CPQ: variants seen among roughly 807,000 people sequenced by gnomAD.
CPQ encodes the protein Ser-Met dipeptidase.
A neutral mutation model predicts 45.7 loss-of-function variants in CPQ; 37 were observed. The observed-to-expected ratio is 0.81, with a 90% CI of 0.62 to 1.07. The LOEUF is 1.07. Ranked by LOEUF, CPQ falls within the 50% of genes least tolerant of loss-of-function variation. The pLI, the probability that CPQ is intolerant of heterozygous loss-of-function variation, is 0.00. For missense variants in CPQ, 537 were observed against 572.9 expected, an observed-to-expected ratio of 0.94 and a Z score of 0.64; for synonymous variants, 186 against 205.8, an observed-to-expected ratio of 0.90 and a Z score of 0.82.
chr8:97,098,376 C>A (rs1018465870), intron 7 of CPQ, among the ~76,000 whole-genome samples: 4 of 152,144 alleles, frequency 2.6e-5, no homozygotes, highest in African/African-American at 9.7e-5. Flanking sequence ...CTCCAAAGGG[C>A]TTTCTCCAGT....
At position 96,833,436 on chromosome 8, in the gene CPQ, C is replaced by T. The variant is rs142463060; in HGVS notation, c.434-1537C>T. On this transcript the variant is annotated intron_variant, in intron 2 of 7. Transcript: ENST00000220763. ...GGCTTCATTTCTAGTGGCTCCAATCCGGATGCCAAAATTGCCCTATTGTTG... is the reference window on the plus strand; with the variant it reads ...GGCTTCATTTCTAGTGGCTCCAATCTGGATGCCAAAATTGCCCTATTGTTG... Among the ~76,000 whole-genome samples the T allele has an allele frequency of 2.1e-3, 320 of 152,230 alleles. 2 individuals carry two copies. Among genetic ancestry groups the T allele is most frequent in the African/African-American group, 7.4e-3 (309 of 41,550 alleles).
intron 4 of CPQ, among the ~76,000 whole-genome samples, chr8:96,954,666 T>C (rs1813324240): frequency 1.3e-5 from 2 of 152,156 alleles, no homozygotes; most frequent in Non-Finnish European, 2.9e-5. Flanking sequence ...CACATATGTA[T>C]ACCTGTGCCA....
chr8:96,746,259 T>C (rs1169634438), intron 1 of CPQ, among the ~76,000 whole-genome samples: 11 of 152,196 alleles, frequency 7.2e-5, no homozygotes, highest in African/African-American at 2.4e-4. Flanking sequence ...GCTGAGAGAC[T>C]CCATTTAATA....
chr8:96,860,051 CT>C (rs1328398774), intron 3 of CPQ, among the ~76,000 whole-genome samples: 1 of 152,104 alleles, frequency 6.6e-6, no homozygotes, highest in Non-Finnish European at 1.5e-5. Flanking sequence ...TAGGTTGGCC[CT>C]AGTACCAAAC....
At chr8:96,846,547 C>T (rs1393863860) in intron 3 of CPQ, among the ~76,000 whole-genome samples, 1 of 152,106 alleles carries the variant, frequency 6.6e-6, no homozygotes, top group Non-Finnish European at 1.5e-5. Context: ...CATCTACATT[C>T]ATTACTCAAT....
At chr8:96,887,466 C>T (rs1364152037) in intron 4 of CPQ, among the ~76,000 whole-genome samples, 1 of 152,148 alleles carries the variant, frequency 6.6e-6, no homozygotes, top group Non-Finnish European at 1.5e-5. Context: ...CTTTAGCCCC[C>T]TTAGTCTTTT....
chr8:96,712,275 G>A (rs888230964), intron 1 of CPQ, among the ~76,000 whole-genome samples: 5 of 152,150 alleles, frequency 3.3e-5, no homozygotes, highest in African/African-American at 4.8e-5. Context: ...TTTTCTAGGC[G>A]CATGGTGTAA....
At chr8:96,697,514 A>G (rs1313235969) in intron 1 of CPQ, among the ~76,000 whole-genome samples, 1 of 152,160 alleles carries the variant, frequency 6.6e-6, no homozygotes, top group East Asian at 1.9e-4. Flanking sequence ...AGCAAGAGCA[A>G]TTAGACAAGA....
intron 2 of CPQ, among the ~76,000 whole-genome samples, chr8:96,811,606 G>A (rs1811162365): frequency 6.6e-6 from 1 of 152,058 alleles, no homozygotes; most frequent in Non-Finnish European, 1.5e-5. Flanking sequence ...TTATGAGGTA[G>A]AACTAGAAAA....
At chr8:96,793,626 C>T (rs1445856546) in intron 2 of CPQ, among the ~76,000 whole-genome samples, 1 of 152,190 alleles carries the variant, frequency 6.6e-6, no homozygotes, top group Non-Finnish European at 1.5e-5. Context: ...CATGCTTTCC[C>T]AACAGTTTGC....
intron 5 of CPQ, among the ~76,000 whole-genome samples, chr8:96,976,537 G>T (rs1813790652): frequency 6.6e-6 from 1 of 152,012 alleles, no homozygotes; most frequent in Non-Finnish European, 1.5e-5. Context: ...AGCCCGCATA[G>T]CCAAAGCAAG....
chr8:96,667,597 C>A (rs918422556), intron 1 of CPQ, among the ~76,000 whole-genome samples: 2 of 152,084 alleles, frequency 1.3e-5, no homozygotes, highest in Non-Finnish European at 2.9e-5. Flanking sequence ...GATCTGCCCG[C>A]CTCGGCTTCC....
intron 7 of CPQ, among the ~76,000 whole-genome samples, chr8:97,068,230 T>C (rs567971953): frequency 2.0e-5 from 3 of 152,344 alleles, no homozygotes; most frequent in Admixed American, 1.3e-4. Flanking sequence ...TCTTTTCACC[T>C]AAAATAAGAA....
rs539445204 is a variant in CPQ at position 96,771,844 on chromosome 8, T to C, written c.-34-13020T>C. Reference sequence around the variant, plus strand: ...TTCAGGTATCACCTCCTATATTGCCTGCCTATGTTCACTTACTACTACATT... The same window carrying C: ...TTCAGGTATCACCTCCTATATTGCCCGCCTATGTTCACTTACTACTACATT... On this transcript the variant is annotated intron_variant, in intron 1 of 7. Transcript: ENST00000220763. Among the ~76,000 whole-genome samples the C allele has an allele frequency of 1.4e-3, 218 of 152,228 alleles. 4 individuals carry two copies. The highest frequency in any genetic ancestry group is 0.011 in the Admixed American group (168 of 15,274).
intron 1 of CPQ, among the ~76,000 whole-genome samples, chr8:96,669,539 T>C (rs903116317): frequency 1.3e-5 from 2 of 151,956 alleles, no homozygotes; most frequent in Non-Finnish European, 2.9e-5. Context: ...TGGGTTTCAA[T>C]TGAAAATTAC....
intron 4 of CPQ, among the ~76,000 whole-genome samples, chr8:96,950,318 G>A (rs1172349929): frequency 6.6e-6 from 1 of 152,022 alleles, no homozygotes; most frequent in Non-Finnish European, 1.5e-5. Flanking sequence ...TTTCTTTAAG[G>A]AACTGAACTT....
chr8:97,042,570 G>A (rs905511576), intron 6 of CPQ, among the ~76,000 whole-genome samples: 2 of 151,308 alleles, frequency 1.3e-5, no homozygotes, highest in Admixed American at 6.6e-5. Context: ...TCTTTTAATT[G>A]TGATGTTAGG....
At chr8:96,655,109 T>C (rs530167865) in intron 1 of CPQ, among the ~76,000 whole-genome samples, 8 of 152,292 alleles carry the variant, frequency 5.3e-5, no homozygotes, top group African/African-American at 1.9e-4. Context: ...TTTTTTTTAA[T>C]TCCCTATGAA....
intron 2 of CPQ, among the ~76,000 whole-genome samples, chr8:96,789,783 T>G (rs1810822948): frequency 2.0e-5 from 3 of 152,290 alleles, no homozygotes; most frequent in Middle Eastern, 3.4e-3. Flanking sequence ...TTTTAGCCAG[T>G]GTTTGCTCAG....
Sources: gnomAD v4.1 joint callset for allele counts (sites outside exome capture counted in the v4.1 genomes callset) on GRCh38, gnomAD v4.1.1 for gene constraint, MANE v1.5 for transcripts, NCBI Gene and HGNC (gene_info 2026-07-23, HGNC 2026-07-21) for gene names.